The following STK32B variants were observed in gnomAD, a reference collection of about 807,000 sequenced individuals.
STK32B encodes the protein serine/threonine kinase 32B, also known as serine/threonine-protein kinase 32B.
In STK32B, 43 loss-of-function variants were observed where a neutral mutation model predicts 52.6. The observed-to-expected ratio is 0.82, with a 90% CI of 0.64 to 1.05. The LOEUF (loss-of-function observed/expected upper bound fraction) is 1.05. Ranked by LOEUF, STK32B falls within the 50% of genes least tolerant of loss-of-function variation. The pLI, the probability that STK32B is intolerant of heterozygous loss-of-function variation, is 0.00. For missense variants in STK32B, 621 were observed against 534.6 expected (o/e 1.16, Z -1.59); for synonymous variants, 238 against 204.3 (o/e 1.17, Z -1.41).
intron 3 of STK32B, among the ~76,000 whole-genome samples, chr4:5,218,014 T>A (rs548994224): frequency 6.7e-6 from 1 of 150,176 alleles, no homozygotes; most frequent in South Asian, 2.1e-4. Flanking sequence ...ATTATTACTC[T>A]TGGTATTTTT....
At position 5,450,752 on chromosome 4, in the gene STK32B, A is replaced by G. The variant is rs570439020; in HGVS notation, c.666+3976A>G. 2.0e-5 allele frequency among the ~76,000 whole-genome samples: 3 copies of G among 152,200 alleles called. No individual in the cohort carries two copies. In the South Asian group the frequency reaches 6.2e-4, roughly 32 times the overall value. ...ATGATTCTGATTATGTTAATTACCC[A>G]GCTCCAAGACTGATGAATGGCTGGC... On this transcript the variant is annotated intron_variant, in intron 7 of 11. Coordinates refer to ENST00000282908, the MANE Select transcript of STK32B (RefSeq NM_018401.3).
chr4:5,158,114 C>T (rs545469663), intron 2 of STK32B, among the ~76,000 whole-genome samples: 15 of 152,270 alleles, frequency 9.9e-5, no homozygotes, highest in African/African-American at 2.6e-4. Flanking sequence ...TTGCAAGCGT[C>T]GGCCAGAGTA....
At chr4:5,049,549 G>C (rs1018607055), upstream of STK32B, among the ~76,000 whole-genome samples, 7 of 152,188 alleles carry the variant, frequency 4.6e-5, no homozygotes, top group African/African-American at 1.7e-4. Flanking sequence ...GCAGGGGCGA[G>C]GGTCACAAGG....
intron 1 of STK32B, among the ~76,000 whole-genome samples, chr4:5,130,689 G>T (rs1335254713): frequency 2.6e-5 from 4 of 152,054 alleles, no homozygotes; most frequent in Non-Finnish European, 5.9e-5. Context: ...AGGTGAGGCC[G>T]CTTGAGCAAT....
chr4:5,029,030 C>T, the STK32B span, among the ~76,000 whole-genome samples: 1 of 152,298 alleles, frequency 6.6e-6, no homozygotes, highest in South Asian at 2.1e-4. Context: ...ATCATGATGA[C>T]AACATCAAGG....
intron 1 of STK32B, among the ~76,000 whole-genome samples, chr4:5,092,964 A>G (rs1308351125): frequency 6.6e-6 from 1 of 152,174 alleles, no homozygotes; most frequent in Admixed American, 6.5e-5. Context: ...AGGGCAAAGG[A>G]AAGAACAATA....
At chr4:5,491,805 A>G (rs1251560547) in intron 11 of STK32B, among the ~76,000 whole-genome samples, 2 of 151,738 alleles carry the variant, frequency 1.3e-5, no homozygotes, top group Non-Finnish European at 3.0e-5. Flanking sequence ...ATGGCTAGCC[A>G]GTTTTCCCAG....
chr4:5,336,292 A>C (rs563892432), intron 4 of STK32B, among the ~76,000 whole-genome samples: 1 of 151,820 alleles, frequency 6.6e-6, no homozygotes, highest in Non-Finnish European at 1.5e-5. Flanking sequence ...TGTGCCATCA[A>C]AGGTTTTCCA....
chr4:5,316,212 TACATA>T (rs1351715506), intron 3 of STK32B, among the ~76,000 whole-genome samples: 1,193 of 80,620 alleles, frequency 0.015, 59 homozygotes, highest in South Asian at 0.055. Flanking sequence ...TAATATATAT[TACATA>T]ATATATTATA....
chr4:5,347,875 C>A (rs1733570694), intron 4 of STK32B, among the ~76,000 whole-genome samples: 1 of 152,158 alleles, frequency 6.6e-6, no homozygotes. Context: ...AAGTCCTCCC[C>A]AGCCATGCAG....
chr4:5,232,929 A>T (rs547782430), intron 3 of STK32B, among the ~76,000 whole-genome samples: 1 of 152,184 alleles, frequency 6.6e-6, no homozygotes. Context: ...AGCTCCTTGC[A>T]TCTGAAGATC....
At chr4:5,284,344 A>T (rs1010638217) in intron 3 of STK32B, among the ~76,000 whole-genome samples, 2 of 152,166 alleles carry the variant, frequency 1.3e-5, no homozygotes, top group African/African-American at 2.4e-5. Context: ...AGTAAACTTT[A>T]ACTCTAAAAA....
At position 5,367,270 on chromosome 4, in the gene STK32B, A is replaced by G. The variant is rs576799105; in HGVS notation, c.435-30937A>G. ...AAATACCACAGGGCAGCTCCAGGAT[A>G]GTTCTTTATGCCTTTTGATTTGTCA... On this transcript the variant is annotated intron_variant, in intron 4 of 11. Coordinates refer to ENST00000282908, the MANE Select transcript of STK32B (RefSeq NM_018401.3). 3.3e-5 allele frequency among the ~76,000 whole-genome samples: 5 copies of G among 152,232 alleles called. No individual in the cohort carries two copies. The South Asian group carries it at 1.0e-3, about 32-fold the overall frequency.
chr4:5,245,754 T>G (rs1475630851), intron 3 of STK32B, among the ~76,000 whole-genome samples: 1 of 152,206 alleles, frequency 6.6e-6, no homozygotes, highest in Non-Finnish European at 1.5e-5. Flanking sequence ...AGGAGCTCTT[T>G]TAGGGCAGGC....
intron 2 of STK32B, among the ~76,000 whole-genome samples, chr4:5,153,572 T>C (rs1268106643): frequency 1.3e-5 from 2 of 151,942 alleles, no homozygotes; most frequent in African/African-American, 4.8e-5. Flanking sequence ...TAAAAAGCAT[T>C]TACCAAAAAC....
At chr4:5,317,353 T>TATATA (rs1731122942) in intron 3 of STK32B, among the ~76,000 whole-genome samples, 13 of 37,598 alleles carry the variant, frequency 3.5e-4, no homozygotes, top group African/African-American at 3.0e-3. Flanking sequence ...ATATATATAA[T>TATATA]ATATATAATG....
intron 3 of STK32B, among the ~76,000 whole-genome samples, chr4:5,196,091 C>G (rs1292731080): frequency 3.3e-5 from 5 of 152,106 alleles, no homozygotes; most frequent in African/African-American, 7.2e-5. Context: ...GACAGGCTAG[C>G]TTTAAACTAA....
At chr4:5,423,058 A>C (rs892085677) in intron 6 of STK32B, among the ~76,000 whole-genome samples, 3 of 152,188 alleles carry the variant, frequency 2.0e-5, no homozygotes, top group Admixed American at 6.5e-5. Flanking sequence ...AGGGCAAAGC[A>C]CAGGAGTCTT....
At chr4:5,042,046 C>A in the STK32B span, among the ~76,000 whole-genome samples, 1 of 152,152 alleles carries the variant, frequency 6.6e-6, no homozygotes, top group African/African-American at 2.4e-5. Flanking sequence ...TTAAATGTTA[C>A]GGCTTTAGGG....
Sources: allele counts gnomAD v4.1 joint callset (sites outside exome capture counted in the v4.1 genomes callset), GRCh38; gene constraint gnomAD v4.1.1; transcripts MANE v1.5; gene names NCBI Gene and HGNC (gene_info 2026-07-23, HGNC 2026-07-21).